ITPR2: variants seen among roughly 807,000 people sequenced by gnomAD.
ITPR2 encodes the protein inositol 1,4,5-trisphosphate receptor type 2.
A neutral mutation model predicts 317.1 loss-of-function variants in ITPR2; 207 were observed. The ratio of observed to expected loss-of-function variants is 0.65; its 90% CI spans 0.58 to 0.73. The LOEUF is 0.73. Ranked by LOEUF, ITPR2 falls within the 30% of genes least tolerant of loss-of-function variation. ITPR2 has a pLI of 0.00. For synonymous variants in ITPR2, 1,156 were observed against 1,149.1 expected, an observed-to-expected ratio of 1.01 and a Z score of -0.12; for missense variants, 2,613 against 3,284.0, an observed-to-expected ratio of 0.80 and a Z score of 4.99.
At position 26,595,245 on chromosome 12, in the gene ITPR2, G is replaced by T. The variant is rs971653291; in HGVS notation, c.4380+220C>A. Reference sequence around the variant, plus strand: ...CACAGTCACTCATAAAGGTAAAAATGAACACTTTACCTATTGTCATCTACA... The same window carrying T: ...CACAGTCACTCATAAAGGTAAAAATTAACACTTTACCTATTGTCATCTACA... On this transcript the variant is annotated intron_variant, in intron 32 of 56. Coordinates refer to ENST00000381340, the MANE Select transcript of ITPR2 (RefSeq NM_002223.4). 5.3e-5 allele frequency among the ~76,000 whole-genome samples: 8 copies of T among 152,188 alleles called. 1 individual carries two copies. In the South Asian group the frequency reaches 6.2e-4, roughly 12 times the overall value.
At chr12:26,512,057 TTACC>T (rs1456137439) in intron 37 of ITPR2, among the ~76,000 whole-genome samples, 1 of 152,142 alleles carries the variant, frequency 6.6e-6, no homozygotes, top group Non-Finnish European at 1.5e-5. Context: ...TGCTCTTGCT[TTACC>T]TCTGTGAAAG....
chr12:26,786,523 A>G (rs1950253868), intron 2 of ITPR2, among the ~76,000 whole-genome samples: 1 of 151,758 alleles, frequency 6.6e-6, no homozygotes. Context: ...AAAAGCTACT[A>G]TGTTTCTGTT....
At position 26,615,214 on chromosome 12, in the gene ITPR2, A is replaced by G. The variant is rs186837739; in HGVS notation, c.3462+5909T>C. Among the ~76,000 whole-genome samples the G allele has an allele frequency of 9.5e-4, 144 of 152,352 alleles. 2 individuals carry two copies. The highest frequency in any genetic ancestry group is 8.5e-3 in the Admixed American group (130 of 15,306). On this transcript the variant is annotated intron_variant, in intron 26 of 56. Transcript: ENST00000381340. ...AGAATAACAAGAAAATCTCAAGTAC[A>G]TCGGATCTCCGAGTTACCACATACA...
intron 54 of ITPR2, among the ~76,000 whole-genome samples, chr12:26,394,741 G>C (rs748349021): frequency 6.6e-6 from 1 of 152,276 alleles, no homozygotes; most frequent in African/African-American, 2.4e-5. Context: ...TGGCAACACC[G>C]AGCAGACCAT....
intron 32 of ITPR2, among the ~76,000 whole-genome samples, chr12:26,594,381 G>A (rs943090814): frequency 6.6e-6 from 1 of 151,938 alleles, no homozygotes; most frequent in African/African-American, 2.4e-5. Flanking sequence ...TCTACAGGCA[G>A]TGAAAGGAGG....
In ITPR2 at chr12:26,632,124, CAGTT is replaced by C; in HGVS notation, c.2741-69_2741-66del. On this transcript the variant is annotated intron_variant, in intron 21 of 56. Coordinates refer to ENST00000381340, the MANE Select transcript of ITPR2 (RefSeq NM_002223.4). ...CTGGAGATCATGTAACTATAAAACT[CAGTT>C]AGTCACAACCACACTGAAAAGCAGC... 6 of 1,296,088 alleles carry C rather than the reference CAGTT, an allele frequency of 4.6e-6. No individual in the cohort carries two copies. The Middle Eastern group carries it at 1.2e-3, about 256-fold the overall frequency. The allele number at this position is 1,296,088 out of a possible 1,614,324, so 80.3% of individuals were successfully genotyped here. A position where few individuals can be genotyped will look rare whatever the true frequency, so the allele number is the denominator to read the frequency against.
At chr12:26,586,139 GT>G (rs1945520717) in intron 32 of ITPR2, among the ~76,000 whole-genome samples, 1 of 152,042 alleles carries the variant, frequency 6.6e-6, no homozygotes, top group East Asian at 1.9e-4. Context: ...ATTTTGATGT[GT>G]TTTATTTATT....
At chr12:26,798,559 T>C (rs1374666882) in intron 1 of ITPR2, among the ~76,000 whole-genome samples, 1 of 152,248 alleles carries the variant, frequency 6.6e-6, no homozygotes, top group Non-Finnish European at 1.5e-5. Flanking sequence ...ACATTATTTT[T>C]AAAATGTAAT....
chr12:26,386,448 G>T (rs1047087528), intron 55 of ITPR2, among the ~76,000 whole-genome samples: 13 of 152,136 alleles, frequency 8.5e-5, no homozygotes, highest in Admixed American at 2.6e-4. Flanking sequence ...ATGACTATAT[G>T]AACTTATAAT....
intron 45 of ITPR2, among the ~76,000 whole-genome samples, chr12:26,449,793 T>C (rs527556681): frequency 6.6e-6 from 1 of 152,260 alleles, no homozygotes; most frequent in South Asian, 2.1e-4. Flanking sequence ...CCACACTAAA[T>C]GCCAGTGTGA....
chr12:26,477,876 A>G (rs1038657582), intron 43 of ITPR2, among the ~76,000 whole-genome samples: 2 of 152,180 alleles, frequency 1.3e-5, no homozygotes, highest in Admixed American at 1.3e-4. Flanking sequence ...GGCAAATTGC[A>G]ATATGAAATT....
intron 54 of ITPR2, 86 bp from the exon 55 acceptor site, chr12:26,387,680 T>G: frequency 7.6e-7 from 1 of 1,320,090 alleles, no homozygotes; most frequent in South Asian, 1.5e-5. Flanking sequence ...ACAATAATTA[T>G]TGTGAAAAAA....
At chr12:26,679,688 T>C (rs1203933755) in intron 13 of ITPR2, among the ~76,000 whole-genome samples, 2 of 152,178 alleles carry the variant, frequency 1.3e-5, no homozygotes, top group Admixed American at 6.5e-5. Flanking sequence ...TTTTTTATTT[T>C]TATTTTTTTG....
At chr12:26,697,825 C>T (rs1050264277) in intron 9 of ITPR2, among the ~76,000 whole-genome samples, 1 of 150,594 alleles carries the variant, frequency 6.6e-6, no homozygotes, top group Non-Finnish European at 1.5e-5. Context: ...TATATAAATA[C>T]TAAAATAACA....
At chr12:26,379,360 G>T (rs1328958386) in intron 55 of ITPR2, among the ~76,000 whole-genome samples, 1 of 152,200 alleles carries the variant, frequency 6.6e-6, no homozygotes, top group Non-Finnish European at 1.5e-5. Flanking sequence ...ATTAGTGGTA[G>T]TGTTGTTAGT....
chr12:26,499,303 A>G (rs760413699), intron 37 of ITPR2, among the ~76,000 whole-genome samples: 3 of 152,222 alleles, frequency 2.0e-5, no homozygotes, highest in Non-Finnish European at 4.4e-5. Context: ...ATTCAATTAT[A>G]GCCCCATTAG....
At chr12:26,643,348 T>C (rs1031668055) in intron 21 of ITPR2, among the ~76,000 whole-genome samples, 2 of 152,212 alleles carry the variant, frequency 1.3e-5, no homozygotes, top group Non-Finnish European at 2.9e-5. Flanking sequence ...AACAAATATC[T>C]AAAATGTAGA....
chr12:26,492,451 C>T (rs1163138993), intron 39 of ITPR2, among the ~76,000 whole-genome samples: 1 of 104,036 alleles, frequency 9.6e-6, no homozygotes, highest in Non-Finnish European at 2.5e-5. Context: ...TCTAGAGATG[C>T]CCCCCACCAA....
intron 1 of ITPR2, among the ~76,000 whole-genome samples, chr12:26,808,512 A>G (rs1950676246): frequency 2.6e-5 from 4 of 152,204 alleles, no homozygotes; most frequent in Admixed American, 2.6e-4. Flanking sequence ...CTGGGGATAA[A>G]GCAGTGTACA....
Sources: allele counts gnomAD v4.1 joint callset (sites outside exome capture counted in the v4.1 genomes callset), GRCh38; gene constraint gnomAD v4.1.1; transcripts MANE v1.5; gene names NCBI Gene and HGNC (gene_info 2026-07-23, HGNC 2026-07-21).